The following GALNT9 variants were observed in gnomAD, a reference collection of about 807,000 sequenced individuals.
The protein encoded by GALNT9 is polypeptide N-acetylgalactosaminyltransferase 9.
GALNT9 carries 47 observed loss-of-function variants against 63.1 expected under a neutral mutation model. That is an observed-to-expected ratio of 0.75 (90% CI 0.59 to 0.95). The LOEUF is 0.95. Ranked by LOEUF, GALNT9 falls within the 40% of genes least tolerant of loss-of-function variation. The probability of loss-of-function intolerance (pLI) is 0.00; values close to 1 mark genes in which losing one functional copy is unlikely to be tolerated. For missense variants in GALNT9, 829 were observed against 874.8 expected, an observed-to-expected ratio of 0.95 and a Z score of 0.66; for synonymous variants, 396 against 365.7, an observed-to-expected ratio of 1.08 and a Z score of -0.94.
At chr12:132,266,132 G>C in intron 2 of GALNT9, among the ~76,000 whole-genome samples, 1 of 141,680 alleles carries the variant, frequency 7.1e-6, no homozygotes, top group East Asian at 2.1e-4. Context: ...AGCCAACCGC[G>C]GGCCTGTCTG....
chr12:132,284,485 T>C (rs907650141), intron 2 of GALNT9: 1 of 152,242 alleles, frequency 6.6e-6, no homozygotes, highest in African/African-American at 2.4e-5. Flanking sequence ...TAAAACTAAA[T>C]GCATTTTTTA....
chr12:132,314,399 C>T (rs543011529), intron 1 of GALNT9, among the ~76,000 whole-genome samples: 6 of 152,234 alleles, frequency 3.9e-5, no homozygotes, highest in Non-Finnish European at 8.8e-5. Flanking sequence ...CTCTGCCAAG[C>T]GCTTCATATG....
intron 1 of GALNT9, among the ~76,000 whole-genome samples, chr12:132,328,138 G>A (rs369626846): frequency 3.5e-4 from 54 of 152,308 alleles, no homozygotes; most frequent in African/African-American, 1.1e-3. Context: ...CTGCTCCTCC[G>A]GGAAGGTGGA....
intron 1 of GALNT9, among the ~76,000 whole-genome samples, chr12:132,291,766 G>A (rs977549717): frequency 2.6e-5 from 4 of 152,182 alleles, no homozygotes; most frequent in African/African-American, 4.8e-5. Context: ...GACCAGATGC[G>A]CTCAGTCCTT....
intron 1 of GALNT9, among the ~76,000 whole-genome samples, chr12:132,312,715 G>A (rs1430140411): frequency 2.0e-5 from 3 of 152,218 alleles, no homozygotes; most frequent in Non-Finnish European, 4.4e-5. Flanking sequence ...TGCCCTTGCT[G>A]AAGCCCCCAG....
chr12:132,210,005 G>A (rs1241934179), intron 6 of GALNT9, among the ~76,000 whole-genome samples: 1 of 152,208 alleles, frequency 6.6e-6, no homozygotes, highest in African/African-American at 2.4e-5. Flanking sequence ...AGATCCAAGA[G>A]GCCTCTCTTG....
rs1555242198 is a variant in GALNT9, at chr12:132,286,407, C to A, written c.262G>T (p.Val88Leu). 1.2e-5 allele frequency: 18 copies of A among 1,550,458 alleles called. No individual in the cohort carries two copies. The highest frequency in any genetic ancestry group is 3.9e-5 in the Admixed American group (2 of 50,962). ...TGGCCCAGGCCTCCTGGCCCCTCCA[C>A]CAGGCCGATGGGCTTGGCAAGGCCT... Reference protein sequence around the residue: ...LNGLAKPIGLVEGPGGLGQGG... With the variant: ...LNGLAKPIGLLEGPGGLGQGG... The change falls in exon 2 of 11, where the codon GTG becomes TTG. Residue 88 changes from valine (V) to leucine (L), a missense_variant. By Grantham distance (32) the Val-to-Leu change is conservative (BLOSUM62 1). Coordinates refer to ENST00000328957, the MANE Select transcript of GALNT9 (RefSeq NM_001122636.2). The surrounding 1 kb of genome is among the most constrained non-coding windows in gnomAD (Gnocchi z 7.4).
At chr12:132,257,353 C>T (rs1383840626) in intron 5 of GALNT9, among the ~76,000 whole-genome samples, 6 of 152,076 alleles carry the variant, frequency 3.9e-5, no homozygotes, top group African/African-American at 1.4e-4. Flanking sequence ...AGCCCAGGGG[C>T]CCCAGCACCC....
chr12:132,267,728 A>T (rs1555240306), intron 2 of GALNT9, among the ~76,000 whole-genome samples: 1 of 141,558 alleles, frequency 7.1e-6, no homozygotes, highest in Non-Finnish European at 1.5e-5. Flanking sequence ...TGCTTCGGAA[A>T]ATGGGGAAAT....
At chr12:132,203,247 A>G (rs375391464) in intron 7 of GALNT9, among the ~76,000 whole-genome samples, 244 of 152,256 alleles carry the variant, frequency 1.6e-3, no homozygotes, top group African/African-American at 5.5e-3. Context: ...CAATTGCTCT[A>G]GGCTGAGAGG....
rs558708004 is a variant in GALNT9 at position 132,245,904 on chromosome 12, C to A, written c.1077+2006G>T. On this transcript the variant is annotated intron_variant, in intron 6 of 10. Coordinates refer to ENST00000328957, the MANE Select transcript of GALNT9 (RefSeq NM_001122636.2). The surrounding 1 kb of genome is among the most constrained non-coding windows in gnomAD (Gnocchi z 6.3). The stretch of plus-strand genomic sequence containing the variant: ...TCCCCAGGACCACATCTGCTGGGTG[C>A]CCTCCACCCCAGGGGTCCCGTCCTC... Among the ~76,000 whole-genome samples the A allele has an allele frequency of 6.6e-6, 1 of 152,184 alleles. No homozygotes were observed. The highest frequency in any genetic ancestry group is 2.4e-5 in the African/African-American group (1 of 41,448).
At chr12:132,229,405 T>A (rs1877814013) in intron 6 of GALNT9, among the ~76,000 whole-genome samples, 1 of 152,362 alleles carries the variant, frequency 6.6e-6, no homozygotes, top group South Asian at 2.1e-4. Context: ...AGCCAATGAA[T>A]AACTCGCTTC....
At chr12:132,325,333 G>A (rs528297785) in intron 1 of GALNT9, among the ~76,000 whole-genome samples, 16 of 152,302 alleles carry the variant, frequency 1.1e-4, no homozygotes, top group South Asian at 2.1e-4. Context: ...TCACAGTACC[G>A]CCAGAGGCCT....
In GALNT9 at chr12:132,236,181, T is replaced by C. The variant is rs938450756; in HGVS notation, c.1077+11729A>G. ...GCTGGAGTTCAAGGTCAGACGGGCC[T>C]TTCAAATACAAGCAAATGCCAGCCT... On this transcript the variant is annotated intron_variant, in intron 6 of 10. Transcript: ENST00000328957. This position sits in a 1 kb window ranked among gnomAD's most constrained non-coding sequence, Gnocchi z 5.6. 2.0e-5 allele frequency among the ~76,000 whole-genome samples: 3 copies of C among 152,056 alleles called. No homozygotes were observed. The highest frequency in any genetic ancestry group is 2.0e-4 in the Admixed American group (3 of 15,262).
chr12:132,289,009 C>G (rs542043230), intron 1 of GALNT9, among the ~76,000 whole-genome samples: 1 of 152,324 alleles, frequency 6.6e-6, no homozygotes, highest in Admixed American at 6.5e-5. Context: ...TTCAGACTGG[C>G]ATTTTGTTTC....
Position 132,197,148 on chromosome 12 carries a change from TC to T in GALNT9, c.1770del (p.Lys591SerfsTer3). ...LRLVVQRCSG[Q>X]KWMIRNWIKH... ...TTGATCCAGTTTCTGATCATCCACT[TC>T]TGCCCCGAGCACCTCTGTACCACCA... is the stretch of plus-strand genomic sequence containing the variant. On this transcript the variant is annotated frameshift_variant, in exon 11 of 11. Coordinates refer to ENST00000328957, the MANE Select transcript of GALNT9 (RefSeq NM_001122636.2). LOFTEE classifies it high-confidence loss of function. The T allele has an allele frequency of 6.2e-7, 1 of 1,614,166 alleles. No homozygotes were observed. The highest frequency in any genetic ancestry group is 8.5e-7 in the Non-Finnish European group (1 of 1,180,016).
At chr12:132,277,688 G>A (rs1407825397) in intron 2 of GALNT9, 4 of 152,276 alleles carry the variant, frequency 2.6e-5, no homozygotes, top group Non-Finnish European at 5.9e-5. Flanking sequence ...CACTGGGCCA[G>A]AAGCAACTCA....
intron 6 of GALNT9, among the ~76,000 whole-genome samples, chr12:132,228,757 C>A (rs1877794453): frequency 6.6e-6 from 1 of 152,122 alleles, no homozygotes; most frequent in African/African-American, 2.4e-5. Context: ...AAACGATTTC[C>A]AACTTCCGCT....
At chr12:132,239,531 CAG>C (rs1308011755) in intron 6 of GALNT9, among the ~76,000 whole-genome samples, 2 of 144,234 alleles carry the variant, frequency 1.4e-5, no homozygotes, top group Admixed American at 6.9e-5. Flanking sequence ...GACTGAGATA[CAG>C]AGAGACAGAG....
Sources: gnomAD v4.1 joint callset for allele counts (sites outside exome capture counted in the v4.1 genomes callset) on GRCh38, gnomAD v4.1.1 for gene constraint, Gnocchi (gnomAD v3.1) non-coding constraint, MANE v1.5 for transcripts, NCBI Gene and HGNC (gene_info 2026-07-23, HGNC 2026-07-21) for gene names.